The following FER variants were observed in gnomAD, a reference collection of about 807,000 sequenced individuals.
FER encodes tyrosine-protein kinase Fer.
A neutral mutation model predicts 111.0 loss-of-function variants in FER; 63 were observed. The ratio of observed to expected loss-of-function variants is 0.57; its 90% confidence interval spans 0.46 to 0.70. The LOEUF (loss-of-function observed/expected upper bound fraction) is 0.70, where lower values mean the gene tolerates loss of function less well. FER is among the 30% of genes least tolerant of loss of function. FER has a pLI of 0.00. For synonymous variants in FER, 327 were observed against 313.9 expected (o/e 1.04, Z -0.44); for missense variants, 914 against 954.0 (o/e 0.96, Z 0.55).
At chr5:109,011,221 T>C (rs930575608) in intron 13 of FER, among the ~76,000 whole-genome samples, 4 of 149,360 alleles carry the variant, frequency 2.7e-5, no homozygotes, top group Non-Finnish European at 5.9e-5. Flanking sequence ...ACTTAAAAAG[T>C]GGGACAAAGA....
intron 13 of FER, among the ~76,000 whole-genome samples, chr5:109,023,658 G>A (rs1041597215): frequency 6.9e-6 from 1 of 145,940 alleles, no homozygotes; most frequent in Admixed American, 6.8e-5. Context: ...GGGTTTTTTT[G>A]TAACTTTTTT....
chr5:108,774,847 G>C (rs972402858), intron 2 of FER, among the ~76,000 whole-genome samples: 1 of 151,902 alleles, frequency 6.6e-6, no homozygotes, highest in Non-Finnish European at 1.5e-5. Context: ...TAGGTTGCCT[G>C]TTCACTCTGA....
At chr5:108,875,189 A>C in intron 8 of FER, among the ~76,000 whole-genome samples, 1 of 152,098 alleles carries the variant, frequency 6.6e-6, no homozygotes, top group East Asian at 1.9e-4. Context: ...TTTATAGGAA[A>C]ATTTTTTGGA....
intron 16 of FER, among the ~76,000 whole-genome samples, chr5:109,048,169 T>C (rs557736881): frequency 2.6e-4 from 40 of 152,276 alleles, no homozygotes; most frequent in African/African-American, 9.1e-4. Flanking sequence ...CTCATTAATT[T>C]CTGTTTACAG....
rs186343370 is a variant in FER, at chr5:108,968,642, A to C, written c.1656+9295A>C. On this transcript the variant is annotated intron_variant, in intron 13 of 19. Transcript: ENST00000281092. ...CAAAACGAGGAAAATCAAACCCACA[A>C]TCAAATCAAAGGAATATGGAAGAAT... Among the ~76,000 whole-genome samples the C allele has an allele frequency of 2.6e-5, 4 of 152,312 alleles. No homozygotes were observed. In the East Asian group the frequency reaches 7.7e-4, roughly 29 times the overall value.
intron 2 of FER, among the ~76,000 whole-genome samples, chr5:108,795,642 TAA>T (rs1011831742): frequency 7.9e-5 from 12 of 152,164 alleles, no homozygotes; most frequent in African/African-American, 2.2e-4. Context: ...ATTCTGATAT[TAA>T]GAGACACTGA....
chr5:109,167,544 C>T (rs922560571), intron 17 of FER, among the ~76,000 whole-genome samples: 7 of 152,086 alleles, frequency 4.6e-5, no homozygotes, highest in African/African-American at 1.4e-4. Context: ...TTGTCTTTGG[C>T]GTGTATTTAA....
intron 17 of FER, among the ~76,000 whole-genome samples, chr5:109,140,157 A>G (rs1444154648): frequency 6.6e-6 from 1 of 152,224 alleles, no homozygotes; most frequent in Non-Finnish European, 1.5e-5. Flanking sequence ...TATGCTTATT[A>G]TATTAAAAAT....
intron 17 of FER, among the ~76,000 whole-genome samples, chr5:109,165,738 G>T (rs1756488928): frequency 6.6e-6 from 1 of 152,146 alleles, no homozygotes; most frequent in Non-Finnish European, 1.5e-5. Flanking sequence ...CACTTGCATA[G>T]TGGGTGGTAA....
At chr5:108,859,500 C>T (rs1751379842) in intron 5 of FER, among the ~76,000 whole-genome samples, 1 of 152,064 alleles carries the variant, frequency 6.6e-6, no homozygotes. Flanking sequence ...ACTTTCTGTG[C>T]CTGTTATGCT....
chr5:108,999,491 C>A (rs2149774880), intron 13 of FER, among the ~76,000 whole-genome samples: 2 of 152,166 alleles, frequency 1.3e-5, no homozygotes, highest in Middle Eastern at 6.8e-3. Flanking sequence ...CTGACACAAA[C>A]AGAACATACA....
At chr5:109,106,047 G>A (rs1326793336) in intron 17 of FER, among the ~76,000 whole-genome samples, 2 of 152,212 alleles carry the variant, frequency 1.3e-5, no homozygotes, top group East Asian at 3.9e-4. Context: ...GTTTCAGGAT[G>A]TGAATCTCAG....
At chr5:108,942,438 G>A (rs1756401300) in intron 10 of FER, among the ~76,000 whole-genome samples, 1 of 151,968 alleles carries the variant, frequency 6.6e-6, no homozygotes, top group African/African-American at 2.4e-5. Context: ...TTAGCAAGGG[G>A]GTTTTCTTTC....
At chr5:109,020,134 A>G (rs1767734372) in intron 13 of FER, among the ~76,000 whole-genome samples, 1 of 151,974 alleles carries the variant, frequency 6.6e-6, no homozygotes, top group Non-Finnish European at 1.5e-5. Flanking sequence ...TTGCTAATCT[A>G]CAGACATTAG....
rs1461830309 is a variant in FER at position 109,192,506 on chromosome 5, T to G, written c.*4931T>G. ...TCAGAGATGATTGTGTGCTGGGAAA[T>G]GCTTATATTCATTATTTCCCAACTA... On this transcript the variant is annotated 3_prime_UTR_variant, in exon 20 of 20. Coordinates refer to ENST00000281092, the MANE Select transcript of FER (RefSeq NM_005246.4). The G allele has an allele frequency of 6.6e-6, 1 of 152,174 alleles. No individual in the cohort carries two copies. The highest frequency in any genetic ancestry group is 2.4e-5 in the African/African-American group (1 of 41,462). The allele number at this position is 152,174 out of a possible 1,614,324, so 9.4% of individuals were successfully genotyped here. A position where few individuals can be genotyped will look rare whatever the true frequency, so the allele number is the denominator to read the frequency against.
At chr5:108,813,709 T>G (rs962108798) in intron 3 of FER, among the ~76,000 whole-genome samples, 1 of 151,582 alleles carries the variant, frequency 6.6e-6, no homozygotes, top group Non-Finnish European at 1.5e-5. Context: ...CCAACTTCCT[T>G]TCGTAACCCT....
chr5:109,104,041 G>T (rs990204393), intron 17 of FER, among the ~76,000 whole-genome samples: 2 of 152,070 alleles, frequency 1.3e-5, no homozygotes, highest in African/African-American at 2.4e-5. Flanking sequence ...TCTTAATTTC[G>T]TATGTCATTG....
intron 9 of FER, 158 bp from the exon 10 acceptor site, chr5:108,897,501 A>G: frequency 1.9e-6 from 1 of 536,246 alleles, no homozygotes; most frequent in Admixed American, 3.9e-5. Flanking sequence ...CATGTAATAA[A>G]TACTGTGATA....
At chr5:109,034,824 G>A (rs1770141395) in intron 13 of FER, among the ~76,000 whole-genome samples, 1 of 152,014 alleles carries the variant, frequency 6.6e-6, no homozygotes, top group Admixed American at 6.5e-5. Flanking sequence ...TAACTTTCCT[G>A]ACTGCCAGAT....
Sources: allele counts gnomAD v4.1 joint callset (sites outside exome capture counted in the v4.1 genomes callset), GRCh38; gene constraint gnomAD v4.1.1; transcripts MANE v1.5; gene names NCBI Gene and HGNC (gene_info 2026-07-23, HGNC 2026-07-21).